The following DHRSX variants were observed in gnomAD, a reference collection of about 807,000 sequenced individuals.
DHRSX encodes the protein polyprenol dehydrogenase.
Under a neutral mutation model 34.0 loss-of-function variants are expected in DHRSX, and 31 were observed. The ratio of observed to expected loss-of-function variants is 0.91; its 90% confidence interval spans 0.69 to 1.23. The LOEUF is 1.23. DHRSX is among the 50% of genes most tolerant of loss of function. The pLI is 0.00. For synonymous variants in DHRSX, 201 were observed against 183.8 expected (o/e 1.09, Z -0.76); for missense variants, 414 against 428.1 (o/e 0.97, Z 0.29).
intron 3 of DHRSX, among the ~76,000 whole-genome samples, chrX:2,360,791 G>C (rs73189701): frequency 0.018 from 2,757 of 151,998 alleles, 33 homozygotes; most frequent in Middle Eastern, 0.031. Context: ...TGCTTAGACA[G>C]GGAACATGGC....
intron 3 of DHRSX, among the ~76,000 whole-genome samples, chrX:2,315,126 C>G (rs930887059): frequency 6.6e-6 from 1 of 151,700 alleles, no homozygotes; most frequent in Non-Finnish European, 1.5e-5. Flanking sequence ...CCATAGCACT[C>G]CAGCCTGGGC....
At chrX:2,431,676 G>A (rs1051414963) in intron 1 of DHRSX, among the ~76,000 whole-genome samples, 27 of 152,082 alleles carry the variant, frequency 1.8e-4, no homozygotes, top group Non-Finnish European at 2.9e-4. Context: ...AATATCAGAC[G>A]TTCTCACTTC....
chrX:2,252,003 T>C (rs1216134061), intron 5 of DHRSX, among the ~76,000 whole-genome samples: 1 of 152,024 alleles, frequency 6.6e-6, no homozygotes, highest in Admixed American at 6.6e-5. Flanking sequence ...TTTGGGAGGC[T>C]GAGGTGGGTG....
intron 6 of DHRSX, among the ~76,000 whole-genome samples, chrX:2,236,586 C>T (rs2016021212): frequency 1.3e-5 from 2 of 152,086 alleles, no homozygotes; most frequent in South Asian, 4.1e-4. Context: ...CGTCCGCCAC[C>T]ATGCCTGGCT....
intron 6 of DHRSX, among the ~76,000 whole-genome samples, chrX:2,225,186 C>A (rs2015623945): frequency 6.6e-6 from 1 of 150,414 alleles, no homozygotes; most frequent in Non-Finnish European, 1.5e-5. Context: ...ACACAGCTCA[C>A]ACATGCACAC....
At chrX:2,385,542 T>C (rs1336739939) in intron 3 of DHRSX, among the ~76,000 whole-genome samples, 3 of 152,138 alleles carry the variant, frequency 2.0e-5, no homozygotes, top group Non-Finnish European at 2.9e-5. Flanking sequence ...CCACTTGCCA[T>C]CCATTCAATT....
At chrX:2,439,669 G>A (rs1464853472) in intron 1 of DHRSX, among the ~76,000 whole-genome samples, 1 of 152,134 alleles carries the variant, frequency 6.6e-6, no homozygotes, top group Non-Finnish European at 1.5e-5. Flanking sequence ...ATCTGCGTGC[G>A]GGTGATGAGA....
At chrX:2,434,382 C>G (rs1361484367) in intron 1 of DHRSX, among the ~76,000 whole-genome samples, 2 of 152,118 alleles carry the variant, frequency 1.3e-5, no homozygotes, top group African/African-American at 4.8e-5. Flanking sequence ...TGAAAGGTGA[C>G]AGGCAGCCAG....
intron 3 of DHRSX, among the ~76,000 whole-genome samples, chrX:2,366,722 TGA>T (rs1313267937): frequency 1.3e-5 from 2 of 151,706 alleles, no homozygotes; most frequent in African/African-American, 4.8e-5. Flanking sequence ...CTCAGCATCT[TGA>T]GAGGGAGACC....
intron 6 of DHRSX, among the ~76,000 whole-genome samples, chrX:2,242,397 A>G (rs2016161417): frequency 6.6e-6 from 1 of 152,036 alleles, no homozygotes; most frequent in Non-Finnish European, 1.5e-5. Context: ...CCAAGCCCCC[A>G]ACACCGCACA....
intron 3 of DHRSX, among the ~76,000 whole-genome samples, chrX:2,377,351 G>A (rs1251025600): frequency 2.0e-5 from 3 of 151,700 alleles, no homozygotes; most frequent in Non-Finnish European, 4.4e-5. Flanking sequence ...TCCCATCCGG[G>A]GGGTGATGGG....
chrX:2,345,867 C>T (rs1036792383), intron 3 of DHRSX, among the ~76,000 whole-genome samples: 9 of 152,054 alleles, frequency 5.9e-5, no homozygotes, highest in African/African-American at 2.2e-4. Flanking sequence ...CTGGTCTACC[C>T]CATACATCTT....
chrX:2,463,945 C>G (rs2044440113), intron 1 of DHRSX, among the ~76,000 whole-genome samples: 1 of 152,050 alleles, frequency 6.6e-6, no homozygotes, highest in Non-Finnish European at 1.5e-5. Flanking sequence ...GCACTGAAGA[C>G]GTTCGGAAAG....
At chrX:2,361,095 C>T (rs1375286895) in intron 3 of DHRSX, among the ~76,000 whole-genome samples, 1 of 152,110 alleles carries the variant, frequency 6.6e-6, no homozygotes, top group Admixed American at 6.6e-5. Flanking sequence ...AGAGGAGACA[C>T]TTTCCATACA....
rs1245606007 is a variant in DHRSX, at chrX:2,266,731, T to G, written c.596+9A>C. ...GATGCTGTTATGATTATTCACAGGG[T>G]GCACCTACCTGCTCTGAAGGTCATC... On this transcript the variant is annotated intron_variant, in intron 5 of 6. Transcript: ENST00000334651. 1.2e-6 allele frequency: 2 copies of G among 1,613,586 alleles called. No homozygotes were observed. Among genetic ancestry groups the G allele is most frequent in the Non-Finnish European group, 1.7e-6 (2 of 1,179,566 alleles).
Position 2,362,226 on chromosome X carries a change from A to AT in DHRSX, c.286+46518dup, listed in dbSNP as rs199876803. 9.6e-3 allele frequency among the ~76,000 whole-genome samples: 1,460 copies of AT among 152,218 alleles called. 39 individuals are homozygous for AT. The highest frequency in any genetic ancestry group is 0.087 in the East Asian group (448 of 5,174). On this transcript the variant is annotated intron_variant, in intron 3 of 6. Coordinates refer to ENST00000334651, the MANE Select transcript of DHRSX (RefSeq NM_145177.3). ...TTCAGGGCCTTAGATGGTTTGTCTC[A>AT]TATCACTGCTGTCTGTAGCAACAAC...
intron 1 of DHRSX, among the ~76,000 whole-genome samples, chrX:2,446,884 T>C (rs2044145201): frequency 6.6e-6 from 1 of 151,620 alleles, no homozygotes; most frequent in Non-Finnish European, 1.5e-5. Flanking sequence ...CGTTGCAGTG[T>C]ACACACTGAA....
chrX:2,296,520 G>A (rs1383618153), intron 3 of DHRSX, among the ~76,000 whole-genome samples: 1 of 141,426 alleles, frequency 7.1e-6, no homozygotes, highest in Non-Finnish European at 1.5e-5. Context: ...GACCCAGGCA[G>A]ACAGGAATAG....
intron 6 of DHRSX, among the ~76,000 whole-genome samples, chrX:2,236,256 C>T (rs983988505): frequency 1.4e-4 from 22 of 152,166 alleles, no homozygotes; most frequent in African/African-American, 3.9e-4. Flanking sequence ...GGAAAGCAAG[C>T]GCCCAGGAGA....
Sources: allele counts gnomAD v4.1 joint callset (sites outside exome capture counted in the v4.1 genomes callset), GRCh38; gene constraint gnomAD v4.1.1; transcripts MANE v1.5; gene names NCBI Gene and HGNC (gene_info 2026-07-23, HGNC 2026-07-21).